HDAC4: variants seen among roughly 807,000 people sequenced by gnomAD.
The protein encoded by HDAC4 is histone deacetylase A.
A neutral mutation model predicts 135.1 loss-of-function variants in HDAC4; 16 were observed. The ratio of observed to expected loss-of-function variants is 0.12; its 90% CI spans 0.08 to 0.18. HDAC4 has a LOEUF of 0.18. Among genes scored for constraint, HDAC4 ranks in the 10% least tolerant of loss-of-function variants. The pLI, the probability that HDAC4 is intolerant of heterozygous loss-of-function variation, is 1.00. For missense variants in HDAC4, 1,143 were observed against 1,511.8 expected (o/e 0.76, Z 4.05); for synonymous variants, 685 against 653.4 (o/e 1.05, Z -0.74).
At chr2:239,389,548 G>A (rs1696059230) in intron 1 of HDAC4, among the ~76,000 whole-genome samples, 1 of 152,138 alleles carries the variant, frequency 6.6e-6, no homozygotes, top group African/African-American at 2.4e-5. Flanking sequence ...CCCACTGGAA[G>A]GAACCAACTC....
In HDAC4 at chr2:239,218,560, A is replaced by G. The variant is rs2046772465; in HGVS notation, c.94+18033T>C. Among the ~76,000 whole-genome samples, 7 of 150,956 alleles carry G rather than the reference A, an allele frequency of 4.6e-5. No individual in the cohort carries two copies. In the South Asian group the frequency reaches 1.3e-3, roughly 27 times the overall value. On this transcript the variant is annotated intron_variant, in intron 3 of 26. Transcript: ENST00000543185. ...TACCATTCAGGACATAGGCATGGGC[A>G]AGGACTTCATGTCTAAAACACCAAA...
chr2:239,159,395 C>T (rs1417415608), intron 6 of HDAC4, among the ~76,000 whole-genome samples: 3 of 148,156 alleles, frequency 2.0e-5, no homozygotes, highest in Non-Finnish European at 4.5e-5. Context: ...ACAACCTATA[C>T]CCACCCACAC....
At chr2:239,179,564 A>G (rs983890586) in intron 4 of HDAC4, among the ~76,000 whole-genome samples, 2 of 152,202 alleles carry the variant, frequency 1.3e-5, no homozygotes, top group Non-Finnish European at 2.9e-5. Context: ...ACCCCTGTCC[A>G]CAGAAAAAAC....
chr2:239,361,178 C>T (rs528534011), intron 1 of HDAC4, among the ~76,000 whole-genome samples: 32 of 152,296 alleles, frequency 2.1e-4, no homozygotes, highest in Admixed American at 7.8e-4. Context: ...ATGTGACCTC[C>T]TGCTGCACCC....
intron 4 of HDAC4, among the ~76,000 whole-genome samples, chr2:239,184,837 GGT>G (rs369953947): frequency 1.7e-4 from 4 of 22,996 alleles, no homozygotes; most frequent in Non-Finnish European, 2.7e-4. Flanking sequence ...TGTGTCCTAT[GGT>G]GGGGGGTCCC....
At chr2:239,344,381 G>A (rs1692485679) in intron 2 of HDAC4, among the ~76,000 whole-genome samples, 1 of 152,094 alleles carries the variant, frequency 6.6e-6, no homozygotes, top group African/African-American at 2.4e-5. Flanking sequence ...CTTTGAAAAA[G>A]GGACACAAAT....
intron 19 of HDAC4, among the ~76,000 whole-genome samples, chr2:239,086,486 C>A (rs1209530841): frequency 6.6e-6 from 1 of 151,920 alleles, no homozygotes; most frequent in Non-Finnish European, 1.5e-5. Context: ...CAATCTCTTC[C>A]CTGCACACGA....
Position 239,306,451 on chromosome 2 carries a change from A to ACTAATACCTGACCGTC in HDAC4, c.22+46226_22+46227insGACGGTCAGGTATTAG, listed in dbSNP as rs2052588320. ...CCTGCCCAGGTGCCAGCAAGGACTGACTAATACCTGACCCAGGGCCAAGCT... is the reference window on the plus strand; with the variant it reads ...CCTGCCCAGGTGCCAGCAAGGACTGACTAATACCTGACCGTCCTAATACCTGACCCAGGGCCAAGCT... On this transcript the variant is annotated intron_variant, in intron 2 of 26. Coordinates refer to ENST00000543185, the MANE Select transcript of HDAC4 (RefSeq NM_001378414.1). The surrounding 1 kb of genome is among the most constrained non-coding windows in gnomAD (Gnocchi z 4.5). Among the ~76,000 whole-genome samples the ACTAATACCTGACCGTC allele has an allele frequency of 6.6e-6, 1 of 152,056 alleles. No homozygotes were observed. Among genetic ancestry groups the ACTAATACCTGACCGTC allele is most frequent in the South Asian group, 2.1e-4 (1 of 4,828 alleles).
intron 2 of HDAC4, among the ~76,000 whole-genome samples, chr2:239,246,904 T>C (rs956649486): frequency 2.6e-5 from 4 of 152,240 alleles, no homozygotes; most frequent in African/African-American, 7.2e-5. Context: ...TGCACAGCTG[T>C]GCTGTACAGC....
In HDAC4 at chr2:239,209,265, T is replaced by C. The variant is rs2046235676; in HGVS notation, c.95-19188A>G. 2.6e-5 allele frequency among the ~76,000 whole-genome samples: 4 copies of C among 152,328 alleles called. No homozygotes were observed. The South Asian group carries it at 6.2e-4, about 24-fold the overall frequency. On this transcript the variant is annotated intron_variant, in intron 3 of 26. Coordinates refer to ENST00000543185, the MANE Select transcript of HDAC4 (RefSeq NM_001378414.1). ...ATAGGAAGACTTACTATTCTAAAGA[T>C]AGTGATTCTCTCCAAACGGAACTAC...
chr2:239,378,031 C>A lies in HDAC4; in HGVS notation c.-220+22947G>T, dbSNP rs75579850. ...CCATTGTCCTCCAGGGGAGACGTCG[C>A]GTCCTGAGGCATCCCCTCTGTCCAG... On this transcript the variant is annotated intron_variant, in intron 1 of 26. Coordinates refer to ENST00000543185, the MANE Select transcript of HDAC4 (RefSeq NM_001378414.1). Among the ~76,000 whole-genome samples, 3 of 152,322 alleles carry A rather than the reference C, an allele frequency of 2.0e-5. No homozygotes were observed. In the East Asian group the frequency reaches 5.8e-4, roughly 29 times the overall value.
At chr2:239,241,103 C>T (rs963220727) in intron 2 of HDAC4, among the ~76,000 whole-genome samples, 4 of 152,170 alleles carry the variant, frequency 2.6e-5, no homozygotes, top group East Asian at 3.9e-4. Flanking sequence ...ATTAAACCAG[C>T]GGCTTGTCTG....
At position 239,146,930 on chromosome 2, in the gene HDAC4, C is replaced by A. The variant is rs571711136; in HGVS notation, c.734-2216G>T. ...GGCTCCCTGATTCTAGCCGACTGCA[C>A]GTCCCTGGTCGACTCTGCCTGCAGG... On this transcript the variant is annotated intron_variant, in intron 7 of 26. Transcript: ENST00000543185. This position sits in a 1 kb window ranked among gnomAD's most constrained non-coding sequence, Gnocchi z 4.5. 2.0e-4 allele frequency among the ~76,000 whole-genome samples: 30 copies of A among 152,318 alleles called. No homozygotes were observed. The highest frequency in any genetic ancestry group is 7.0e-4 in the African/African-American group (29 of 41,572).
intron 6 of HDAC4, among the ~76,000 whole-genome samples, chr2:239,159,376 AC>A (rs1261336459): frequency 2.9e-5 from 3 of 102,804 alleles, no homozygotes; most frequent in South Asian, 3.6e-4. Flanking sequence ...TCACACCCAC[AC>A]CCCCCTCACA....
chr2:239,065,127 G>T (rs1378566792), intron 24 of HDAC4, among the ~76,000 whole-genome samples: 1 of 152,210 alleles, frequency 6.6e-6, no homozygotes, highest in Non-Finnish European at 1.5e-5. Context: ...CATCGGGGGA[G>T]GCTTGCACAG....
chr2:239,081,683 G>A (rs1032986241), intron 21 of HDAC4, among the ~76,000 whole-genome samples: 17 of 152,214 alleles, frequency 1.1e-4, no homozygotes, highest in African/African-American at 3.9e-4. Flanking sequence ...GACCTGGGGC[G>A]TTGTCAAGGA....
intron 2 of HDAC4, among the ~76,000 whole-genome samples, chr2:239,268,889 A>C (rs903558837): frequency 6.6e-5 from 10 of 152,208 alleles, no homozygotes; most frequent in African/African-American, 2.2e-4. Context: ...CACAAAATGG[A>C]AAGAAACAAA....
intron 2 of HDAC4, among the ~76,000 whole-genome samples, chr2:239,336,680 T>C (rs138849599): frequency 4.6e-5 from 7 of 152,362 alleles, no homozygotes; most frequent in East Asian, 1.9e-4. Context: ...GAGTAGACAG[T>C]AGAGAGAGCT....
At chr2:239,233,641 T>A (rs1173912055) in intron 3 of HDAC4, among the ~76,000 whole-genome samples, 1 of 152,220 alleles carries the variant, frequency 6.6e-6, no homozygotes. Flanking sequence ...AGTGGGAATT[T>A]ATTAGGACTA....
Sources: allele counts gnomAD v4.1 joint callset (sites outside exome capture counted in the v4.1 genomes callset), GRCh38; gene constraint gnomAD v4.1.1; non-coding constraint Gnocchi (gnomAD v3.1); transcripts MANE v1.5; gene names NCBI Gene and HGNC (gene_info 2026-07-23, HGNC 2026-07-21).